SLC66A3: variants seen among roughly 807,000 people sequenced by gnomAD.
SLC66A3 encodes solute carrier family 66 member 3, also known as PQ loop repeat containing 3.
SLC66A3 carries 23 observed loss-of-function variants against 25.5 expected under a neutral mutation model. The observed-to-expected ratio is 0.90, with a 90% CI of 0.65 to 1.28. The LOEUF (loss-of-function observed/expected upper bound fraction) is 1.28. Ranked by LOEUF, SLC66A3 falls within the 50% of genes most tolerant of loss-of-function variation. The pLI, the probability that SLC66A3 is intolerant of heterozygous loss-of-function variation, is 0.00. For missense variants in SLC66A3, 246 were observed against 262.1 expected (o/e 0.94, Z 0.42); for synonymous variants, 108 against 112.6 (o/e 0.96, Z 0.26).
At chr2:11,165,798 G>C (rs568120409) in intron 4 of SLC66A3, among the ~76,000 whole-genome samples, 6 of 152,336 alleles carry the variant, frequency 3.9e-5, no homozygotes, top group Admixed American at 2.6e-4. Context: ...CAGATCACTC[G>C]CGGTTAGGGG....
chr2:11,161,973 GT>G (rs1407306888), intron 3 of SLC66A3, among the ~76,000 whole-genome samples: 2 of 152,244 alleles, frequency 1.3e-5, no homozygotes, highest in African/African-American at 4.8e-5. Flanking sequence ...TGGGTGTGGA[GT>G]GGTGGGAAGC....
chr2:11,165,937 G>A (rs1662325174), intron 4 of SLC66A3, among the ~76,000 whole-genome samples: 1 of 152,360 alleles, frequency 6.6e-6, no homozygotes. Flanking sequence ...AATCAGGCAG[G>A]GAGGTTGCAG....
chr2:11,169,945 TCTC>T (rs1662490783), intron 4 of SLC66A3, among the ~76,000 whole-genome samples: 1 of 151,278 alleles, frequency 6.6e-6, no homozygotes. Flanking sequence ...TTTAAGTGAT[TCTC>T]CTGCCTCAGC....
intron 4 of SLC66A3, among the ~76,000 whole-genome samples, chr2:11,171,053 C>T (rs1662534167): frequency 1.3e-5 from 2 of 152,212 alleles, no homozygotes; most frequent in African/African-American, 2.4e-5. Context: ...CATGGTGGCT[C>T]ACACCTGTAA....
chr2:11,166,897 AAAAC>A (rs1435813105), intron 4 of SLC66A3, among the ~76,000 whole-genome samples: 5 of 152,188 alleles, frequency 3.3e-5, no homozygotes, highest in African/African-American at 7.2e-5. Context: ...TGCATCTCAA[AAAAC>A]AAACAAAATA....
chr2:11,162,210 G>A (rs1662152251), intron 3 of SLC66A3, among the ~76,000 whole-genome samples: 1 of 152,196 alleles, frequency 6.6e-6, no homozygotes, highest in Non-Finnish European at 1.5e-5. Flanking sequence ...TCTATGGAGG[G>A]AGCTGGGTTC....
intron 3 of SLC66A3, among the ~76,000 whole-genome samples, chr2:11,163,631 T>A (rs1662203424): frequency 6.6e-6 from 1 of 152,220 alleles, no homozygotes; most frequent in African/African-American, 2.4e-5. Flanking sequence ...GCTGTCCCCT[T>A]CCAGCCCTGG....
chr2:11,169,794 A>G (rs62120156), intron 4 of SLC66A3, among the ~76,000 whole-genome samples: 55,581 of 149,676 alleles, frequency 0.37, 12,675 homozygotes, highest in South Asian at 0.51. Flanking sequence ...TTCCACTGCA[A>G]AGGCCAGAAA....
Position 11,160,542 on chromosome 2 carries a change from G to T in SLC66A3, c.220G>T (p.Ala74Ser). The T allele has an allele frequency of 3.1e-6, 5 of 1,614,090 alleles. No homozygotes were observed. In the South Asian group the frequency reaches 3.3e-5, roughly 11 times the overall value. Residue 74 changes from alanine (A) to serine (S), a missense_variant, in exon 2 of 7, where the codon GCG becomes TCG. Coordinates refer to ENST00000295083, the MANE Select transcript of SLC66A3 (RefSeq NM_152391.5). ...CTACCTGGAGTACCCCATCCTCATC[G>T]CGCAAGGTAACAGCCCCTTCCCTGT... ...LTYLEYPILI[A>S]QDVILLLCIF...
At chr2:11,158,493 T>C (rs745496320) in intron 1 of SLC66A3, among the ~76,000 whole-genome samples, 5 of 152,210 alleles carry the variant, frequency 3.3e-5, no homozygotes, top group Non-Finnish European at 7.3e-5. Flanking sequence ...AAACCCTGTC[T>C]CTACTAAAGA....
chr2:11,164,345 A>ATATATATATATTTTTTTTTTTTTTTT lies in SLC66A3; in HGVS notation c.354+85_354+86insATATATATATTTTTTTTTTTTTTTTT. The ATATATATATATTTTTTTTTTTTTTTT allele has an allele frequency of 1.2e-3, 107 of 92,758 alleles. 2 individuals are homozygous for ATATATATATATTTTTTTTTTTTTTTT. The highest frequency in any genetic ancestry group is 1.8e-3 in the Non-Finnish European group (94 of 52,018). 5.7% of individuals were successfully genotyped at this position (92,758 alleles called of 1,614,324 possible). On this transcript the variant is annotated intron_variant, in intron 4 of 6. Coordinates refer to ENST00000295083, the MANE Select transcript of SLC66A3 (RefSeq NM_152391.5). ...TAGATATTTATATATATATATATAT[A>ATATATATATATTTTTTTTTTTTTTTT]TTTTTTTTTTTTTGAAATGGAGTTT...
intron 4 of SLC66A3, among the ~76,000 whole-genome samples, chr2:11,169,835 C>CTTTTT (rs1558257033): frequency 1.4e-4 from 12 of 85,104 alleles, no homozygotes; most frequent in African/African-American, 3.8e-4. Flanking sequence ...CTGGATTTCT[C>CTTTTT]TCTTTTTTTT....
rs900693286 is a variant in SLC66A3, at chr2:11,177,924, A to AAT, written c.*97_*98dup. On this transcript the variant is annotated 3_prime_UTR_variant, in exon 7 of 7. Transcript: ENST00000295083. ...ATTAAGGTCTTTTATAAATTTAGTA[A>AAT]ATCAGTTTATAATCTTTAAAGCCAA... is the stretch of plus-strand genomic sequence containing the variant. The AAT allele has an allele frequency of 3.9e-6, 3 of 767,754 alleles. No homozygotes were observed. The highest frequency in any genetic ancestry group is 6.4e-6 in the Non-Finnish European group (3 of 468,342). 47.6% of individuals were successfully genotyped at this position (767,754 alleles called of 1,614,324 possible). A position where few individuals can be genotyped will look rare whatever the true frequency, so the allele number is the denominator to read the frequency against.
intron 4 of SLC66A3, among the ~76,000 whole-genome samples, chr2:11,167,288 C>CA (rs1180270178): frequency 6.6e-6 from 1 of 152,134 alleles, no homozygotes; most frequent in Admixed American, 6.5e-5. Context: ...ACTAAAAATA[C>CA]AAAAATTATC....
intron 4 of SLC66A3, among the ~76,000 whole-genome samples, 174 bp downstream of exon 4, chr2:11,164,435 G>C (rs1662242906): frequency 6.7e-6 from 1 of 149,316 alleles, no homozygotes; most frequent in Non-Finnish European, 1.5e-5. Context: ...TCCACCTCCT[G>C]GGTTCAAGGG....
At chr2:11,176,767 A>G (rs1662766701) in intron 6 of SLC66A3, among the ~76,000 whole-genome samples, 1 of 149,222 alleles carries the variant, frequency 6.7e-6, no homozygotes, top group South Asian at 2.1e-4. Flanking sequence ...TGACCTCGTG[A>G]TCCGCCCGCC....
Position 11,177,941 on chromosome 2 carries a change from TAA to T in SLC66A3, c.*115_*116del. On this transcript the variant is annotated 3_prime_UTR_variant, in exon 7 of 7. Transcript: ENST00000295083. The stretch of plus-strand genomic sequence containing the variant: ...ATTTAGTAAATCAGTTTATAATCTT[TAA>T]AGCCAAAGGTTTTTTTAGACTTGAA... 1.5e-6 allele frequency: 1 copy of T among 684,442 alleles called. No individual in the cohort carries two copies. The highest frequency in any genetic ancestry group is 1.9e-5 in the South Asian group (1 of 52,030). The allele number at this position is 684,442 out of a possible 1,614,324, so 42.4% of individuals were successfully genotyped here.
chr2:11,164,495 C>A (rs1245032637), intron 4 of SLC66A3, among the ~76,000 whole-genome samples: 2 of 122,058 alleles, frequency 1.6e-5, no homozygotes, highest in Non-Finnish European at 3.4e-5. Flanking sequence ...GCATGTGCCA[C>A]CACACCCAGC....
chr2:11,174,816 A>C (rs939819379), intron 5 of SLC66A3, 152 bp from the exon 6 acceptor site: 19 of 476,030 alleles, frequency 4.0e-5, no homozygotes, highest in African/African-American at 3.6e-4. Flanking sequence ...CTCTGTCAAG[A>C]ATAGTTAATA....
Sources: gnomAD v4.1 joint callset for allele counts (sites outside exome capture counted in the v4.1 genomes callset) on GRCh38, gnomAD v4.1.1 for gene constraint, MANE v1.5 for transcripts, NCBI Gene and HGNC (gene_info 2026-07-23, HGNC 2026-07-21) for gene names.